SHLD1: variants seen among roughly 807,000 people sequenced by gnomAD.
SHLD1 encodes RINN1-REV7-interacting novel NHEJ regulator 3.
A neutral mutation model predicts 5.5 loss-of-function variants in SHLD1; 3 were observed. That is an observed-to-expected ratio of 0.54 (90% CI 0.25 to 1.40). The LOEUF is 1.40. SHLD1 is among the 40% of genes most tolerant of loss of function. SHLD1 has a pLI of 0.15. For missense variants in SHLD1, 210 were observed against 244.4 expected (o/e 0.86, Z 0.94); for synonymous variants, 92 against 94.3 (o/e 0.98, Z 0.14).
intron 2 of SHLD1, among the ~76,000 whole-genome samples, chr20:5,850,073 A>G (rs2087986436): frequency 6.7e-6 from 1 of 148,990 alleles, no homozygotes; most frequent in Non-Finnish European, 1.5e-5. Context: ...GAGCCCAGGA[A>G]TTCAAGACCA....
chr20:5,858,220 G>A (rs2088115604), intron 2 of SHLD1, among the ~76,000 whole-genome samples: 1 of 152,174 alleles, frequency 6.6e-6, no homozygotes. Context: ...AGCAGGGTGG[G>A]TGGGTGGCTA....
Position 5,863,331 on chromosome 20 carries a change from G to A in SHLD1, c.486G>A (p.Arg162=). 6.2e-7 allele frequency: 1 copy of A among 1,614,224 alleles called. No individual in the cohort carries two copies. The part of the protein sequence containing the change: ...FNRDGCSVLQ[R]HSRDTHFYPL... ...GGGACGGCTGCTCCGTCTTACAGAG[G>A]CATTCCAGGGACACCCACTTCTACC... Residue 162 remains arginine (R), a synonymous_variant, in exon 3 of 3, where the codon AGG becomes AGA. Coordinates refer to ENST00000303142, the MANE Select transcript of SHLD1 (RefSeq NM_152504.4).
At chr20:5,771,761 C>T (rs1985168095) in intron 1 of SHLD1, 1 of 188,440 alleles carries the variant, frequency 5.3e-6, no homozygotes, top group Admixed American at 6.3e-5. Context: ...ATTTCTTTTT[C>T]CTTCTTCACA....
At chr20:5,827,877 A>G (rs1423471903) in intron 2 of SHLD1, among the ~76,000 whole-genome samples, 3 of 125,860 alleles carry the variant, frequency 2.4e-5, no homozygotes, top group Non-Finnish European at 3.7e-5. Flanking sequence ...CACTTCCTCT[A>G]TAGACCAGAT....
At chr20:5,807,436 T>A (rs556089017) in intron 2 of SHLD1, among the ~76,000 whole-genome samples, 5 of 152,128 alleles carry the variant, frequency 3.3e-5, no homozygotes, top group African/African-American at 9.6e-5. Flanking sequence ...GATAATGCGA[T>A]CATATCTCAC....
At chr20:5,854,763 AT>A (rs2088059635) in intron 2 of SHLD1, among the ~76,000 whole-genome samples, 1 of 152,160 alleles carries the variant, frequency 6.6e-6, no homozygotes, top group Non-Finnish European at 1.5e-5. Context: ...TCCAGAACTC[AT>A]CATGTAAAAC....
intron 2 of SHLD1, among the ~76,000 whole-genome samples, chr20:5,779,298 G>A (rs1985582192): frequency 3.9e-5 from 6 of 152,068 alleles, no homozygotes; most frequent in Admixed American, 3.9e-4. Context: ...CTCTGAAGGA[G>A]GTCACTGCCC....
At chr20:5,756,274 G>C (rs915670869) in intron 1 of SHLD1, among the ~76,000 whole-genome samples, 1 of 151,144 alleles carries the variant, frequency 6.6e-6, no homozygotes, top group Admixed American at 6.6e-5. Context: ...AATATAGTGA[G>C]ACCCCCATCT....
Position 5,863,680 on chromosome 20 carries a change from C to T in SHLD1, c.*217C>T, listed in dbSNP as rs560882274. ...GTCTGGGAGTTCTCCGTCCTCTTGG[C>T]CAAGGCCGCTGACTGACTGGGCTAC... On this transcript the variant is annotated 3_prime_UTR_variant, in exon 3 of 3. Transcript: ENST00000303142. The T allele has an allele frequency of 1.2e-5, 6 of 504,002 alleles. No individual in the cohort carries two copies. The highest frequency in any genetic ancestry group is 7.8e-5 in the African/African-American group (4 of 51,574). The allele number at this position is 504,002 out of a possible 1,614,324, so 31.2% of individuals were successfully genotyped here. A position where few individuals can be genotyped will look rare whatever the true frequency, so the allele number is the denominator to read the frequency against.
At chr20:5,832,119 T>TCAATA (rs2087735731) in intron 2 of SHLD1, among the ~76,000 whole-genome samples, 1 of 152,214 alleles carries the variant, frequency 6.6e-6, no homozygotes, top group South Asian at 2.1e-4. Flanking sequence ...TTTTGTATTT[T>TCAATA]CAATAGCGAT....
At chr20:5,851,999 G>A (rs888606578) in intron 2 of SHLD1, among the ~76,000 whole-genome samples, 7 of 151,794 alleles carry the variant, frequency 4.6e-5, no homozygotes, top group African/African-American at 1.5e-4. Flanking sequence ...AGAGTGTAGC[G>A]TCTCACACCC....
At chr20:5,810,208 G>T (rs890844663) in intron 2 of SHLD1, among the ~76,000 whole-genome samples, 1 of 151,576 alleles carries the variant, frequency 6.6e-6, no homozygotes, top group Admixed American at 6.6e-5. Context: ...AGTGAGCCAA[G>T]ATCGTGCCAC....
chr20:5,844,335 T>C (rs774304154), intron 2 of SHLD1, among the ~76,000 whole-genome samples: 8 of 152,346 alleles, frequency 5.3e-5, no homozygotes, highest in Middle Eastern at 3.4e-3. Context: ...TTCCTGAAGC[T>C]CTTTGCTTGA....
At chr20:5,823,920 A>T (rs1231582393) in intron 2 of SHLD1, among the ~76,000 whole-genome samples, 1 of 151,536 alleles carries the variant, frequency 6.6e-6, no homozygotes, top group African/African-American at 2.4e-5. Flanking sequence ...CTCTACCCAA[A>T]CCCCAGCCAC....
intron 2 of SHLD1, among the ~76,000 whole-genome samples, chr20:5,789,576 TA>T (rs58405557): frequency 0.07 from 7,877 of 113,204 alleles, 648 homozygotes; most frequent in African/African-American, 0.22. Context: ...AAACTTGATC[TA>T]AAAAAAAAAA....
At chr20:5,764,156 A>ATT (rs1491126784) in intron 1 of SHLD1, among the ~76,000 whole-genome samples, 1 of 45,840 alleles carries the variant, frequency 2.2e-5, no homozygotes, top group African/African-American at 8.5e-5. Flanking sequence ...ATATATTTAT[A>ATT]TTTATATATA....
chr20:5,760,249 T>C (rs955354056), intron 1 of SHLD1, among the ~76,000 whole-genome samples: 4 of 151,980 alleles, frequency 2.6e-5, no homozygotes, highest in Non-Finnish European at 4.4e-5. Context: ...TGTGTGTGTG[T>C]GAGGGGGGCC....
chr20:5,862,711 G>C (rs1214510002), intron 2 of SHLD1, among the ~76,000 whole-genome samples: 1 of 152,212 alleles, frequency 6.6e-6, no homozygotes, highest in Non-Finnish European at 1.5e-5. Context: ...ATTTCAGGTT[G>C]TGGTTAGTGA....
intron 2 of SHLD1, among the ~76,000 whole-genome samples, chr20:5,776,583 T>TA (rs1985438950): frequency 6.6e-6 from 1 of 151,730 alleles, no homozygotes; most frequent in African/African-American, 2.4e-5. Flanking sequence ...GCCAACATGG[T>TA]AAAACCCTGT....
Sources: gnomAD v4.1 joint callset for allele counts (sites outside exome capture counted in the v4.1 genomes callset) on GRCh38, gnomAD v4.1.1 for gene constraint, MANE v1.5 for transcripts, NCBI Gene and HGNC (gene_info 2026-07-23, HGNC 2026-07-21) for gene names.